Variants in GRIK1 observed in about 807,000 individuals in gnomAD.
The protein encoded by GRIK1 is glutamate ionotropic receptor kainate type subunit 1.
In GRIK1, 69 loss-of-function variants were observed where a neutral mutation model predicts 105.7. The observed-to-expected ratio is 0.65, with a 90% confidence interval of 0.54 to 0.80. The LOEUF is 0.80. Among genes scored for constraint, GRIK1 ranks in the 30% least tolerant of loss-of-function variants. The pLI is 0.00. For synonymous variants in GRIK1, 438 were observed against 431.3 expected (o/e 1.02, Z -0.19); for missense variants, 1,109 against 1,167.3 (o/e 0.95, Z 0.73).
chr21:29,555,208 A>G lies in GRIK1; in HGVS notation c.2451T>C (p.Asn817=), dbSNP rs201323952. Residue 817 remains asparagine, a synonymous_variant, in exon 16 of 18, where the codon AAT becomes AAC. Transcript: ENST00000327783. ...HMMKEKWWRG[N]GCPEEDNKEA... Reference sequence around the variant, plus strand: ...CTTTGTTGTCTTCCTCGGGGCAGCCATTCCCACGCCACCACTTCTCTTTCA... The same window carrying G: ...CTTTGTTGTCTTCCTCGGGGCAGCCGTTCCCACGCCACCACTTCTCTTTCA... 136 of 1,613,872 alleles carry G rather than the reference A, an allele frequency of 8.4e-5. No homozygotes were observed. The highest frequency in any genetic ancestry group is 1.1e-4 in the Non-Finnish European group (130 of 1,179,914).
chr21:29,876,603 A>C (rs921613067), intron 1 of GRIK1, among the ~76,000 whole-genome samples: 2 of 152,198 alleles, frequency 1.3e-5, no homozygotes, highest in Non-Finnish European at 2.9e-5. Flanking sequence ...AGGGAAATGT[A>C]ATCTGTTGGG....
At chr21:29,564,587 C>T (rs1005675276) in intron 14 of GRIK1, among the ~76,000 whole-genome samples, 1 of 152,130 alleles carries the variant, frequency 6.6e-6, no homozygotes, top group Admixed American at 6.5e-5. Context: ...TTCATTTCAT[C>T]TGGGGAATTG....
At chr21:29,814,120 AT>A (rs113925095) in intron 1 of GRIK1, among the ~76,000 whole-genome samples, 2,977 of 140,986 alleles carry the variant, frequency 0.021, 91 homozygotes, top group African/African-American at 0.07. Context: ...AATAATTATT[AT>A]TTTTTTTTTT....
chr21:29,817,677 C>T (rs544735319), intron 1 of GRIK1, among the ~76,000 whole-genome samples: 1 of 152,130 alleles, frequency 6.6e-6, no homozygotes, highest in African/African-American at 2.4e-5. Flanking sequence ...TGGAAACCAA[C>T]TGGACCAAGC....
intron 4 of GRIK1, among the ~76,000 whole-genome samples, chr21:29,662,428 T>C (rs1161001969): frequency 6.6e-6 from 1 of 152,184 alleles, no homozygotes; most frequent in African/African-American, 2.4e-5. Flanking sequence ...GGAAAGATGA[T>C]ATGTAAGAGA....
At chr21:29,719,101 T>TATA (rs57822791) in intron 1 of GRIK1, among the ~76,000 whole-genome samples, 1 of 148,032 alleles carries the variant, frequency 6.8e-6, no homozygotes. Flanking sequence ...TATATATATA[T>TATA]GATTGGTGCA....
intron 1 of GRIK1, among the ~76,000 whole-genome samples, chr21:29,780,015 G>T (rs999542601): frequency 6.6e-6 from 1 of 152,122 alleles, no homozygotes. Flanking sequence ...TAGCTTTGTG[G>T]TCTTGGTCAA....
intron 1 of GRIK1, among the ~76,000 whole-genome samples, chr21:29,900,829 A>T (rs899313851): frequency 6.6e-6 from 1 of 152,184 alleles, no homozygotes; most frequent in Admixed American, 6.5e-5. Context: ...AATCAGCAAA[A>T]TATATATTCT....
chr21:29,770,142 C>T (rs948378437), intron 1 of GRIK1, among the ~76,000 whole-genome samples: 1 of 152,190 alleles, frequency 6.6e-6, no homozygotes, highest in Non-Finnish European at 1.5e-5. Flanking sequence ...GATACAAACA[C>T]TGCTTTGTGA....
intron 1 of GRIK1, among the ~76,000 whole-genome samples, chr21:29,880,460 G>A (rs1352422095): frequency 2.0e-5 from 3 of 152,084 alleles, no homozygotes; most frequent in East Asian, 3.9e-4. Context: ...TGTTCACATA[G>A]GAAGTTAAAA....
chr21:29,610,006 GT>G (rs371464199), intron 7 of GRIK1, among the ~76,000 whole-genome samples: 48 of 152,220 alleles, frequency 3.2e-4, no homozygotes, highest in African/African-American at 1.1e-3. Flanking sequence ...TAAGGAAAAA[GT>G]GCTGTACTTC....
chr21:29,540,337 G>T (rs2089949168), intron 16 of GRIK1, among the ~76,000 whole-genome samples: 1 of 152,130 alleles, frequency 6.6e-6, no homozygotes, highest in African/African-American at 2.4e-5. Flanking sequence ...TCAGTGGGCG[G>T]CTTTCTTGGT....
chr21:29,626,245 G>T (rs530334621), intron 7 of GRIK1, among the ~76,000 whole-genome samples: 5 of 152,276 alleles, frequency 3.3e-5, no homozygotes, highest in Admixed American at 3.3e-4. Flanking sequence ...ATGCACATGA[G>T]AGACGGGGGA....
intron 7 of GRIK1, among the ~76,000 whole-genome samples, chr21:29,632,218 C>G (rs913831191): frequency 1.3e-5 from 2 of 152,080 alleles, no homozygotes; most frequent in African/African-American, 4.8e-5. Context: ...GTATGCCCTT[C>G]CCTCTTCTGA....
At chr21:29,925,396 A>G (rs2071331619) in intron 1 of GRIK1, among the ~76,000 whole-genome samples, 1 of 152,146 alleles carries the variant, frequency 6.6e-6, no homozygotes, top group African/African-American at 2.4e-5. Flanking sequence ...CTTCACCTCC[A>G]TCCTCATTAA....
intron 16 of GRIK1, among the ~76,000 whole-genome samples, chr21:29,541,116 C>T (rs748174476): frequency 9.9e-5 from 15 of 151,990 alleles, no homozygotes; most frequent in South Asian, 4.1e-4. Flanking sequence ...TACAGGTGCG[C>T]GCCACCACAC....
chr21:29,732,207 G>A (rs563127736), intron 1 of GRIK1, among the ~76,000 whole-genome samples: 3 of 152,268 alleles, frequency 2.0e-5, no homozygotes, highest in South Asian at 4.1e-4. Flanking sequence ...TCCTGGGAAA[G>A]TTTCTCTTCC....
At chr21:29,919,870 G>A (rs1226341193) in intron 1 of GRIK1, among the ~76,000 whole-genome samples, 2 of 152,116 alleles carry the variant, frequency 1.3e-5, no homozygotes, top group African/African-American at 4.8e-5. Flanking sequence ...ATTAAACAGT[G>A]AGGACCTCTT....
At chr21:29,602,263 A>G (rs2061533173) in intron 7 of GRIK1, among the ~76,000 whole-genome samples, 1 of 152,368 alleles carries the variant, frequency 6.6e-6, no homozygotes, top group Non-Finnish European at 1.5e-5. Flanking sequence ...GCTGGGCTAT[A>G]TAAAACATAA....
Sources: allele counts gnomAD v4.1 joint callset (sites outside exome capture counted in the v4.1 genomes callset), GRCh38; gene constraint gnomAD v4.1.1; transcripts MANE v1.5; gene names NCBI Gene and HGNC (gene_info 2026-07-23, HGNC 2026-07-21).